The following MEIKIN variants were observed in gnomAD, a reference collection of about 807,000 sequenced individuals.
MEIKIN encodes meiosis-specific kinetochore protein.
chr5:131,865,265 G>A (rs1478753835), intron 9 of MEIKIN, among the ~76,000 whole-genome samples: 2 of 151,466 alleles, frequency 1.3e-5, no homozygotes, highest in East Asian at 3.9e-4. Context: ...TGACGCCCAG[G>A]CTGGAGTGCA....
intron 12 of MEIKIN, among the ~76,000 whole-genome samples, chr5:131,816,797 C>T (rs1383596574): frequency 6.6e-6 from 1 of 152,178 alleles, no homozygotes; most frequent in Non-Finnish European, 1.5e-5. Flanking sequence ...TCCTTGAAAA[C>T]TTCATAACCT....
chr5:131,905,151 C>G (rs897150527), intron 8 of MEIKIN, among the ~76,000 whole-genome samples: 9 of 151,950 alleles, frequency 5.9e-5, no homozygotes, highest in Non-Finnish European at 1.2e-4. Flanking sequence ...TGAAAAAAAC[C>G]CCATACAATT....
intron 6 of MEIKIN, among the ~76,000 whole-genome samples, chr5:131,919,080 C>T (rs1751462789): frequency 6.6e-6 from 1 of 151,924 alleles, no homozygotes; most frequent in East Asian, 1.9e-4. Context: ...AGACAAAAGG[C>T]CAATATTCTT....
At chr5:131,859,481 C>T (rs1750247395) in intron 9 of MEIKIN, among the ~76,000 whole-genome samples, 1 of 152,122 alleles carries the variant, frequency 6.6e-6, no homozygotes, top group Non-Finnish European at 1.5e-5. Context: ...TGAGTTCTTA[C>T]AAGATCTGGT....
chr5:131,941,252 G>A (rs767633498), intron 4 of MEIKIN, among the ~76,000 whole-genome samples: 5 of 134,980 alleles, frequency 3.7e-5, no homozygotes, highest in Admixed American at 7.8e-5. Flanking sequence ...TCCGCCTCCC[G>A]GGTTCAAGCG....
intron 8 of MEIKIN, among the ~76,000 whole-genome samples, chr5:131,896,900 T>C (rs1751062915): frequency 6.6e-6 from 1 of 152,210 alleles, no homozygotes; most frequent in Non-Finnish European, 1.5e-5. Context: ...TTAATATTAT[T>C]ATGTGTGAAT....
intron 9 of MEIKIN, among the ~76,000 whole-genome samples, chr5:131,863,284 G>A (rs769838615): frequency 6.6e-6 from 1 of 152,156 alleles, no homozygotes; most frequent in Non-Finnish European, 1.5e-5. Context: ...TGGCTAAAAG[G>A]TTCTGTATAT....
At chr5:131,894,847 AG>A (rs1253205418) in intron 8 of MEIKIN, among the ~76,000 whole-genome samples, 1 of 152,204 alleles carries the variant, frequency 6.6e-6, no homozygotes, top group African/African-American at 2.4e-5. Flanking sequence ...ATCTGCAAAC[AG>A]GGACGATTTT....
rs1750023931 is a variant in MEIKIN, at chr5:131,846,408, CTACTT to C, written c.975+4851_975+4855del. Reference sequence around the variant, plus strand: ...ATTATTATAACAACAATTTATAACTCTACTTCTTGTTTTCTATATGATTTAAGAGA... The same window carrying C: ...ATTATTATAACAACAATTTATAACTCCTTGTTTTCTATATGATTTAAGAGA... On this transcript the variant is annotated intron_variant, in intron 11 of 12. Coordinates refer to ENST00000442687, the MANE Select transcript of MEIKIN (RefSeq NM_001303622.2). Among the ~76,000 whole-genome samples the C allele has an allele frequency of 5.3e-5, 8 of 152,274 alleles. No individual in the cohort carries two copies. The South Asian group carries it at 1.7e-3, about 32-fold the overall frequency.
chr5:131,861,838 T>G (rs1750290387), intron 9 of MEIKIN, among the ~76,000 whole-genome samples: 3 of 152,194 alleles, frequency 2.0e-5, no homozygotes, highest in Admixed American at 2.0e-4. Context: ...TGATGTGCTG[T>G]TGGATTTAGT....
intron 9 of MEIKIN, among the ~76,000 whole-genome samples, chr5:131,865,341 T>A (rs1274591132): frequency 6.6e-6 from 1 of 152,076 alleles, no homozygotes; most frequent in Admixed American, 6.6e-5. Context: ...TGCCTCAGCC[T>A]CCCGAGTAGC....
intron 11 of MEIKIN, among the ~76,000 whole-genome samples, chr5:131,830,595 A>G (rs1404271065): frequency 6.6e-6 from 1 of 152,264 alleles, no homozygotes; most frequent in African/African-American, 2.4e-5. Context: ...TCACCTGACC[A>G]CAGAAGTAAG....
chr5:131,891,289 G>A (rs1019275966), intron 8 of MEIKIN, among the ~76,000 whole-genome samples: 1 of 152,106 alleles, frequency 6.6e-6, no homozygotes, highest in African/African-American at 2.4e-5. Flanking sequence ...TTTCTGTCTT[G>A]TTGATCTGTC....
Position 131,944,660 on chromosome 5 carries a change from C to T in MEIKIN, c.288+5G>A. On this transcript the variant is annotated splice_donor_5th_base_variant and intron_variant, in intron 3 of 12. Coordinates refer to ENST00000442687, the MANE Select transcript of MEIKIN (RefSeq NM_001303622.2). ...GTCCAAGGACTAAAAGAGAAGCATA[C>T]ATACACGCAACGATGCAATCTTCTC... The T allele has an allele frequency of 2.5e-6, 1 of 399,076 alleles. No individual in the cohort carries two copies. Among genetic ancestry groups the T allele is most frequent in the Non-Finnish European group, 4.4e-6 (1 of 226,076 alleles). The allele number at this position is 399,076 out of a possible 1,614,324, so 24.7% of individuals were successfully genotyped here.
At chr5:131,874,722 T>C (rs563892268) in intron 9 of MEIKIN, among the ~76,000 whole-genome samples, 2 of 152,264 alleles carry the variant, frequency 1.3e-5, no homozygotes, top group South Asian at 4.1e-4. Context: ...GTATCCTTGA[T>C]GAACATTGAT....
chr5:131,808,529 G>T (rs917066862), intron 12 of MEIKIN, among the ~76,000 whole-genome samples: 2 of 152,118 alleles, frequency 1.3e-5, no homozygotes, highest in Non-Finnish European at 2.9e-5. Flanking sequence ...AAAATTTCTA[G>T]TTTAAACTGG....
chr5:131,920,697 A>G (rs544498888), intron 6 of MEIKIN, among the ~76,000 whole-genome samples: 5 of 142,148 alleles, frequency 3.5e-5, no homozygotes, highest in Non-Finnish European at 6.2e-5. Context: ...GCATAACTTC[A>G]TTTTTTTTTT....
intron 9 of MEIKIN, among the ~76,000 whole-genome samples, chr5:131,876,202 C>A (rs1018520607): frequency 3.3e-5 from 5 of 151,944 alleles, no homozygotes; most frequent in Non-Finnish European, 5.9e-5. Context: ...ATCAGAGTGA[C>A]CAGGCAACCT....
At chr5:131,944,939 T>G (rs181048970) in intron 2 of MEIKIN, 187 bp from the exon 3 acceptor site, 58 of 397,996 alleles carry the variant, frequency 1.5e-4, no homozygotes, top group African/African-American at 1.1e-3. Flanking sequence ...CCAATTTATC[T>G]CACTTCCTTT....
Sources: gnomAD v4.1 joint callset for allele counts (sites outside exome capture counted in the v4.1 genomes callset) on GRCh38, gnomAD v4.1.1 for gene constraint, MANE v1.5 for transcripts, NCBI Gene and HGNC (gene_info 2026-07-23, HGNC 2026-07-21) for gene names.